Variants in LRRTM3 observed in about 807,000 individuals in gnomAD.
LRRTM3 encodes leucine-rich repeat transmembrane neuronal protein 3.
Under a neutral mutation model 44.7 loss-of-function variants are expected in LRRTM3, and 24 were observed. That is an observed-to-expected ratio of 0.54 (90% confidence interval 0.39 to 0.76). The LOEUF (loss-of-function observed/expected upper bound fraction) is 0.76. Ranked by LOEUF, LRRTM3 falls within the 30% of genes least tolerant of loss-of-function variation. The pLI is 0.00. For missense variants in LRRTM3, 587 were observed against 702.2 expected, an observed-to-expected ratio of 0.84 and a Z score of 1.85; for synonymous variants, 277 against 278.7, an observed-to-expected ratio of 0.99 and a Z score of 0.06.
At chr10:66,973,899 G>A (rs1366539766) in intron 2 of LRRTM3, among the ~76,000 whole-genome samples, 3 of 152,116 alleles carry the variant, frequency 2.0e-5, no homozygotes, top group African/African-American at 7.2e-5. Context: ...TGGGATTACA[G>A]GCGTGAACCA....
At chr10:66,978,053 CA>C (rs1850155172) in intron 2 of LRRTM3, among the ~76,000 whole-genome samples, 1 of 134,444 alleles carries the variant, frequency 7.4e-6, no homozygotes, top group Admixed American at 7.1e-5. Context: ...TTTGCACACA[CA>C]TATATATATA....
intron 2 of LRRTM3, among the ~76,000 whole-genome samples, chr10:67,000,242 A>C (rs1249458940): frequency 6.6e-6 from 1 of 152,214 alleles, no homozygotes; most frequent in Non-Finnish European, 1.5e-5. Context: ...AGTGCTGCAG[A>C]AGTAAAACCA....
rs558562197 is a variant in LRRTM3 at position 67,092,271 on chromosome 10, T to C, written c.1537-5316T>C. 2.0e-5 allele frequency among the ~76,000 whole-genome samples: 3 copies of C among 152,002 alleles called. No homozygotes were observed. In the South Asian group the frequency reaches 6.2e-4, roughly 32 times the overall value. ...AAATGGGAAGATTTCCCCTGTGATA[T>C]ATGAGGAGAGCATGAGAATTCTCTC... On this transcript the variant is annotated intron_variant, in intron 2 of 2. Transcript: ENST00000361320.
intron 2 of LRRTM3, among the ~76,000 whole-genome samples, chr10:67,011,011 A>G (rs1852292278): frequency 6.6e-6 from 1 of 152,136 alleles, no homozygotes; most frequent in Non-Finnish European, 1.5e-5. Flanking sequence ...ATATTATTAA[A>G]CTGAAATTAA....
chr10:67,076,420 A>G (rs950605580), intron 2 of LRRTM3, among the ~76,000 whole-genome samples: 10 of 152,348 alleles, frequency 6.6e-5, no homozygotes, highest in Admixed American at 6.5e-4. Context: ...CACCTGCATC[A>G]TAATCCACAA....
At chr10:67,001,708 G>A (rs1258043705) in intron 2 of LRRTM3, among the ~76,000 whole-genome samples, 1 of 152,070 alleles carries the variant, frequency 6.6e-6, no homozygotes, top group Admixed American at 6.6e-5. Context: ...TTACAAAACT[G>A]TGATTTACAT....
chr10:67,045,144 G>T (rs1016284255), intron 2 of LRRTM3, among the ~76,000 whole-genome samples: 4 of 152,150 alleles, frequency 2.6e-5, no homozygotes, highest in Non-Finnish European at 5.9e-5. Context: ...TACAGTAAAT[G>T]CTGAAGCATA....
chr10:67,097,123 G>T (rs1222515778), intron 2 of LRRTM3, among the ~76,000 whole-genome samples: 1 of 151,730 alleles, frequency 6.6e-6, no homozygotes, highest in Non-Finnish European at 1.5e-5. Flanking sequence ...TGGGTGGCAG[G>T]GGGTTGACTA....
At chr10:67,066,099 G>A (rs990023596) in intron 2 of LRRTM3, among the ~76,000 whole-genome samples, 3 of 151,778 alleles carry the variant, frequency 2.0e-5, no homozygotes, top group African/African-American at 7.3e-5. Flanking sequence ...ATCATCTGGG[G>A]ATCATGAGGG....
At chr10:67,004,501 CA>C (rs35597601) in intron 2 of LRRTM3, among the ~76,000 whole-genome samples, 79,631 of 152,016 alleles carry the variant, frequency 0.52, 21,579 homozygotes, top group Middle Eastern at 0.73. Context: ...CTTCTTCCCT[CA>C]AAAAATGCTG....
chr10:66,960,657 T>C (rs1269815327), intron 2 of LRRTM3, among the ~76,000 whole-genome samples: 2 of 152,196 alleles, frequency 1.3e-5, no homozygotes, highest in African/African-American at 4.8e-5. Flanking sequence ...CTGAAAGATA[T>C]TGGAAGGTTC....
At chr10:67,034,284 C>T (rs1294792185) in intron 2 of LRRTM3, among the ~76,000 whole-genome samples, 2 of 152,142 alleles carry the variant, frequency 1.3e-5, no homozygotes, top group Non-Finnish European at 1.5e-5. Context: ...CAATCATTTG[C>T]CAAGCAATCA....
chr10:66,993,387 C>A (rs1283859487), intron 2 of LRRTM3, among the ~76,000 whole-genome samples: 4 of 152,080 alleles, frequency 2.6e-5, no homozygotes, highest in Non-Finnish European at 5.9e-5. Context: ...GTAGACTGCA[C>A]CTCTTGATGG....
chr10:67,035,111 T>C (rs1853967603), intron 2 of LRRTM3, among the ~76,000 whole-genome samples: 1 of 152,254 alleles, frequency 6.6e-6, no homozygotes, highest in Non-Finnish European at 1.5e-5. Context: ...TATTGAATTA[T>C]CTGTGCATAT....
At position 66,965,512 on chromosome 10, in the gene LRRTM3, C is replaced by T. The variant is rs561530634; in HGVS notation, c.1536+37060C>T. On this transcript the variant is annotated intron_variant, in intron 2 of 2. Coordinates refer to ENST00000361320, the MANE Select transcript of LRRTM3 (RefSeq NM_178011.5). Reference sequence around the variant, plus strand: ...ATCGCACCACTGCACTCCAGCCTGGCGACAGAGCAAGACTCCGTCTCAAAA... The same window carrying T: ...ATCGCACCACTGCACTCCAGCCTGGTGACAGAGCAAGACTCCGTCTCAAAA... Among the ~76,000 whole-genome samples the T allele has an allele frequency of 7.6e-5, 11 of 144,422 alleles. No homozygotes were observed. The South Asian group carries it at 1.1e-3, about 14-fold the overall frequency. The allele number at this position is 144,422 out of a possible 152,430, so 94.7% of individuals were successfully genotyped here.
At chr10:66,931,492 G>T (rs913081558) in intron 2 of LRRTM3, among the ~76,000 whole-genome samples, 2 of 152,004 alleles carry the variant, frequency 1.3e-5, no homozygotes, top group Non-Finnish European at 2.9e-5. Context: ...ACTTGATTTG[G>T]TGAGTGAACT....
intron 2 of LRRTM3, among the ~76,000 whole-genome samples, chr10:66,967,157 CT>C (rs1849469716): frequency 6.6e-6 from 1 of 151,850 alleles, no homozygotes; most frequent in South Asian, 2.1e-4. Flanking sequence ...GACTATTTTT[CT>C]GGAAACGTGA....
chr10:66,965,621 G>A (rs1408597492), intron 2 of LRRTM3, among the ~76,000 whole-genome samples: 2 of 149,692 alleles, frequency 1.3e-5, no homozygotes, highest in Non-Finnish European at 3.0e-5. Context: ...GGGCAAGACA[G>A]TTCCCAAAAT....
Position 67,073,975 on chromosome 10 carries a change from G to A in LRRTM3, c.1537-23612G>A, listed in dbSNP as rs903252804. Among the ~76,000 whole-genome samples the A allele has an allele frequency of 4.0e-5, 6 of 150,880 alleles. 1 individual carries two copies. Among genetic ancestry groups the A allele is most frequent in the African/African-American group, 7.3e-5 (3 of 41,024 alleles). ...AGGTTTGGATACAGATATTTATTTCGCACAGCTACACTCAGATCTACTGAA... is the reference window on the plus strand; with the variant it reads ...AGGTTTGGATACAGATATTTATTTCACACAGCTACACTCAGATCTACTGAA... On this transcript the variant is annotated intron_variant, in intron 2 of 2. Transcript: ENST00000361320.
Sources: gnomAD v4.1 joint callset for allele counts (sites outside exome capture counted in the v4.1 genomes callset) on GRCh38, gnomAD v4.1.1 for gene constraint, MANE v1.5 for transcripts, NCBI Gene and HGNC (gene_info 2026-07-23, HGNC 2026-07-21) for gene names.